AJAP1: variants seen among roughly 807,000 people sequenced by gnomAD.
AJAP1 encodes adherens junctions associated protein 1.
In AJAP1, 5 loss-of-function variants were observed where a neutral mutation model predicts 35.0. The observed-to-expected ratio is 0.14, with a 90% CI of 0.07 to 0.30. The LOEUF is 0.30. Ranked by LOEUF, AJAP1 falls within the 10% of genes least tolerant of loss-of-function variation. AJAP1 has a pLI of 1.00. For missense variants in AJAP1, 586 were observed against 571.0 expected (o/e 1.03, Z -0.27); for synonymous variants, 284 against 249.3 (o/e 1.14, Z -1.31).
chr1:4,670,563 C>T (rs1639229339), intron 1 of AJAP1, among the ~76,000 whole-genome samples: 1 of 152,186 alleles, frequency 6.6e-6, no homozygotes, highest in Admixed American at 6.5e-5. Flanking sequence ...GAGCCTGTTA[C>T]TTTTCACTGG....
chr1:4,730,767 G>A (rs532743058), intron 2 of AJAP1, among the ~76,000 whole-genome samples: 47 of 152,206 alleles, frequency 3.1e-4, no homozygotes, highest in African/African-American at 1.1e-3. Flanking sequence ...AGCTGTGAGT[G>A]CAGCCTGGAG....
intron 1 of AJAP1, among the ~76,000 whole-genome samples, chr1:4,674,743 G>C (rs534933909): frequency 6.6e-6 from 1 of 152,290 alleles, no homozygotes; most frequent in East Asian, 1.9e-4. Flanking sequence ...GGGATCGGTC[G>C]GGGCCCAGGG....
chr1:4,715,684 CA>C (rs77078230), intron 2 of AJAP1, among the ~76,000 whole-genome samples: 70 of 143,158 alleles, frequency 4.9e-4, no homozygotes, highest in South Asian at 4.4e-4. Flanking sequence ...AAACTTATTT[CA>C]AAAAAAAAAA....
intron 1 of AJAP1, among the ~76,000 whole-genome samples, chr1:4,673,949 T>C (rs2100519312): frequency 6.8e-6 from 1 of 148,104 alleles, no homozygotes; most frequent in African/African-American, 2.5e-5. Flanking sequence ...GAAAACAGGA[T>C]GCTTGGTTCT....
chr1:4,688,837 G>T (rs1265129287), intron 1 of AJAP1, among the ~76,000 whole-genome samples: 1 of 150,680 alleles, frequency 6.6e-6, no homozygotes, highest in Non-Finnish European at 1.5e-5. Flanking sequence ...CCATGGCGAT[G>T]ACCCCATACT....
At chr1:4,777,301 T>C (rs1641958636) in intron 5 of AJAP1, 1 of 152,272 alleles carries the variant, frequency 6.6e-6, no homozygotes, top group African/African-American at 2.4e-5. Context: ...GCATTTTTAA[T>C]GACGATGCAG....
intron 1 of AJAP1, among the ~76,000 whole-genome samples, chr1:4,697,628 G>A (rs1183779849): frequency 6.6e-6 from 1 of 152,234 alleles, no homozygotes; most frequent in Non-Finnish European, 1.5e-5. Context: ...CCATGTGGTG[G>A]CACCTACTAG....
intron 2 of AJAP1, among the ~76,000 whole-genome samples, chr1:4,745,789 G>A (rs1641174225): frequency 6.6e-6 from 1 of 152,182 alleles, no homozygotes. Flanking sequence ...CCTCTCCAAG[G>A]CCAGCGTCCT....
chr1:4,756,898 C>A (rs184263015), intron 2 of AJAP1, among the ~76,000 whole-genome samples: 3 of 152,178 alleles, frequency 2.0e-5, no homozygotes, highest in African/African-American at 7.2e-5. Flanking sequence ...TGCAGTGCCC[C>A]CTCCAAGTGT....
At chr1:4,726,894 G>A (rs1640675147) in intron 2 of AJAP1, among the ~76,000 whole-genome samples, 1 of 152,188 alleles carries the variant, frequency 6.6e-6, no homozygotes, top group African/African-American at 2.4e-5. Context: ...GCACGGAAGA[G>A]CTTCCAAGAG....
At chr1:4,682,077 C>A (rs765627936) in intron 1 of AJAP1, among the ~76,000 whole-genome samples, 1 of 152,190 alleles carries the variant, frequency 6.6e-6, no homozygotes, top group Non-Finnish European at 1.5e-5. Flanking sequence ...GAGTCTGATG[C>A]AGAGTCCACC....
chr1:4,656,464 C>T lies in AJAP1; in HGVS notation c.29+1010C>T, dbSNP rs551512183. ...AGCGTGCGGTTCTCGAGTTTGTCCA[C>T]TGGGATGCACTGCGCTCCCGCGTTG... is the stretch of plus-strand genomic sequence containing the variant. On this transcript the variant is annotated intron_variant, in intron 1 of 5. Coordinates refer to ENST00000378191, the MANE Select transcript of AJAP1 (RefSeq NM_018836.4). This position sits in a 1 kb window ranked among gnomAD's most constrained non-coding sequence, Gnocchi z 5.7. Among the ~76,000 whole-genome samples the T allele has an allele frequency of 6.6e-6, 1 of 152,328 alleles. No homozygotes were observed. Among genetic ancestry groups the T allele is most frequent in the Admixed American group, 6.5e-5 (1 of 15,310 alleles).
At chr1:4,686,241 A>G (rs1441090461) in intron 1 of AJAP1, among the ~76,000 whole-genome samples, 1 of 152,150 alleles carries the variant, frequency 6.6e-6, no homozygotes, top group Non-Finnish European at 1.5e-5. Flanking sequence ...GTCATCACAA[A>G]TTACCACGAA....
At chr1:4,767,238 A>G (rs1641703045) in intron 2 of AJAP1, among the ~76,000 whole-genome samples, 1 of 152,114 alleles carries the variant, frequency 6.6e-6, no homozygotes, top group Non-Finnish European at 1.5e-5. Context: ...CACCATCATC[A>G]CCATCACCAT....
At position 4,727,013 on chromosome 1, in the gene AJAP1, G is replaced by GC. The variant is rs546623975; in HGVS notation, c.829+14320dup. On this transcript the variant is annotated intron_variant, in intron 2 of 5. Coordinates refer to ENST00000378191, the MANE Select transcript of AJAP1 (RefSeq NM_018836.4). ...CTGTGTGAGAGCCCCCGGGAGCCCAGCCCCCCGGCGTGGGCCACCCCCCGC... is the reference window on the plus strand; with the variant it reads ...CTGTGTGAGAGCCCCCGGGAGCCCAGCCCCCCCGGCGTGGGCCACCCCCCGC... Among the ~76,000 whole-genome samples, 13 of 152,318 alleles carry GC rather than the reference G, an allele frequency of 8.5e-5. No homozygotes were observed. The East Asian group carries it at 1.7e-3, about 20-fold the overall frequency.
At chr1:4,724,678 C>T (rs1640608614) in intron 2 of AJAP1, among the ~76,000 whole-genome samples, 1 of 115,076 alleles carries the variant, frequency 8.7e-6, no homozygotes. Flanking sequence ...GATCCTGCAC[C>T]TGCTGTGCCC....
chr1:4,694,108 C>T (rs1343965493), intron 1 of AJAP1, among the ~76,000 whole-genome samples: 2 of 152,190 alleles, frequency 1.3e-5, no homozygotes, highest in African/African-American at 2.4e-5. Context: ...CACTGGGCCC[C>T]GTAAAGCTGG....
chr1:4,667,469 C>T (rs1010467364), intron 1 of AJAP1, among the ~76,000 whole-genome samples: 10 of 152,198 alleles, frequency 6.6e-5, no homozygotes, highest in Non-Finnish European at 8.8e-5. Context: ...AGGGACAGAG[C>T]GGGTGGATGG....
chr1:4,682,856 G>C (rs1349654875), intron 1 of AJAP1, among the ~76,000 whole-genome samples: 1 of 149,264 alleles, frequency 6.7e-6, no homozygotes, highest in Non-Finnish European at 1.5e-5. Context: ...GATGGTGATG[G>C]TGGTGATGGT....
Sources: gnomAD v4.1 joint callset for allele counts (sites outside exome capture counted in the v4.1 genomes callset) on GRCh38, gnomAD v4.1.1 for gene constraint, Gnocchi (gnomAD v3.1) non-coding constraint, MANE v1.5 for transcripts, NCBI Gene and HGNC (gene_info 2026-07-23, HGNC 2026-07-21) for gene names.